RALYL: variants seen among roughly 807,000 people sequenced by gnomAD.
RALYL encodes the protein RALY RNA binding protein like, also known as RNA-binding Raly-like protein.
Under a neutral mutation model 35.1 loss-of-function variants are expected in RALYL, and 29 were observed. The ratio of observed to expected loss-of-function variants is 0.83; its 90% confidence interval spans 0.61 to 1.13. The LOEUF is 1.13. Among genes scored for constraint, RALYL ranks in the 50% most tolerant of loss-of-function variants. The pLI is 0.00. For missense variants in RALYL, 359 were observed against 360.4 expected (o/e 1.00, Z 0.03); for synonymous variants, 120 against 127.6 (o/e 0.94, Z 0.40).
intron 2 of RALYL, among the ~76,000 whole-genome samples, chr8:84,619,594 T>C (rs1174638089): frequency 6.7e-6 from 1 of 148,392 alleles, no homozygotes; most frequent in African/African-American, 2.5e-5. Flanking sequence ...TCCATTTACA[T>C]TTAAAGTTAA....
At chr8:84,704,172 C>G (rs1365123524) in intron 2 of RALYL, among the ~76,000 whole-genome samples, 1 of 152,100 alleles carries the variant, frequency 6.6e-6, no homozygotes, top group Non-Finnish European at 1.5e-5. Context: ...CACCTGTAAT[C>G]CCAGCACTTT....
chr8:84,192,908 G>A (rs199522273), intron 1 of RALYL, among the ~76,000 whole-genome samples: 13 of 136,326 alleles, frequency 9.5e-5, no homozygotes, highest in Non-Finnish European at 1.7e-4. Context: ...TGTGTGTGTG[G>A]GGGGGGGGGT....
chr8:84,847,408 C>A (rs1354780229), intron 4 of RALYL, among the ~76,000 whole-genome samples: 1 of 152,180 alleles, frequency 6.6e-6, no homozygotes, highest in Non-Finnish European at 1.5e-5. Flanking sequence ...GTTACTGTGT[C>A]ACCTCTCTGT....
chr8:84,216,679 G>T (rs1485738934), intron 1 of RALYL, among the ~76,000 whole-genome samples: 1 of 152,142 alleles, frequency 6.6e-6, no homozygotes, highest in Non-Finnish European at 1.5e-5. Context: ...TTCACTGAGG[G>T]AAATGTTCTG....
intron 2 of RALYL, among the ~76,000 whole-genome samples, chr8:84,536,770 T>G (rs148989721): frequency 5.1e-4 from 77 of 152,304 alleles, no homozygotes; most frequent in African/African-American, 1.8e-3. Context: ...AAGAAGATAT[T>G]GTTATCATAA....
intron 2 of RALYL, among the ~76,000 whole-genome samples, chr8:84,617,253 C>A (rs1819976539): frequency 6.6e-6 from 1 of 151,648 alleles, no homozygotes; most frequent in South Asian, 2.1e-4. Flanking sequence ...TTGTTTGTAT[C>A]CTCTTTTATT....
chr8:84,648,125 C>A lies in RALYL; in HGVS notation c.256+118548C>A, dbSNP rs1231613150. On this transcript the variant is annotated intron_variant, in intron 2 of 8. Coordinates refer to ENST00000521268, the MANE Select transcript of RALYL (RefSeq NM_173848.7). ...GCATGTGCGCACATGCGTGCACACA[C>A]ACACACACACGACATTGCCGCTTCA... Among the ~76,000 whole-genome samples the A allele has an allele frequency of 2.0e-5, 3 of 152,082 alleles. No homozygotes were observed. In the South Asian group the frequency reaches 6.2e-4, roughly 31 times the overall value.
At chr8:84,484,113 A>G (rs764465710) in intron 1 of RALYL, among the ~76,000 whole-genome samples, 17 of 152,196 alleles carry the variant, frequency 1.1e-4, no homozygotes, top group Non-Finnish European at 8.8e-5. Context: ...AAAGGGTTCA[A>G]TAAACTAACA....
At chr8:84,624,020 C>G (rs1291493098) in intron 2 of RALYL, among the ~76,000 whole-genome samples, 1 of 152,150 alleles carries the variant, frequency 6.6e-6, no homozygotes, top group African/African-American at 2.4e-5. Flanking sequence ...CAAGTCTTGA[C>G]AGAAAAGAGT....
At chr8:84,501,977 C>G (rs2056715743) in intron 1 of RALYL, among the ~76,000 whole-genome samples, 4 of 151,446 alleles carry the variant, frequency 2.6e-5, no homozygotes. Flanking sequence ...GCCACTTTTC[C>G]AGAAGACAAA....
chr8:84,705,934 A>G, intron 2 of RALYL: 1 of 1,512,786 alleles, frequency 6.6e-7, no homozygotes. Flanking sequence ...GTCAGTGAGC[A>G]ACAGTCTTAC....
At chr8:84,197,191 A>G (rs1376151195) in intron 1 of RALYL, among the ~76,000 whole-genome samples, 1 of 152,200 alleles carries the variant, frequency 6.6e-6, no homozygotes, top group African/African-American at 2.4e-5. Flanking sequence ...TGAAAACATA[A>G]TAGAAAATCC....
At chr8:84,836,353 G>T (rs1832020602) in intron 4 of RALYL, among the ~76,000 whole-genome samples, 1 of 152,074 alleles carries the variant, frequency 6.6e-6, no homozygotes, top group Non-Finnish European at 1.5e-5. Context: ...GAACTTCTTA[G>T]CCATTTTCTC....
intron 2 of RALYL, among the ~76,000 whole-genome samples, chr8:84,670,585 T>C (rs1227795855): frequency 2.6e-5 from 4 of 152,184 alleles, no homozygotes; most frequent in African/African-American, 9.7e-5. Flanking sequence ...CTCACAATCA[T>C]GGTGGAAGGT....
chr8:84,280,323 G>A (rs553497693), intron 1 of RALYL, among the ~76,000 whole-genome samples: 1 of 152,146 alleles, frequency 6.6e-6, no homozygotes, highest in African/African-American at 2.4e-5. Flanking sequence ...TTTCTCATAG[G>A]TTAGAAAACA....
chr8:84,233,326 A>G (rs544574465), intron 1 of RALYL, among the ~76,000 whole-genome samples: 1 of 152,268 alleles, frequency 6.6e-6, no homozygotes. Flanking sequence ...AGAATACAAA[A>G]ACTTCCATTT....
intron 1 of RALYL, among the ~76,000 whole-genome samples, chr8:84,507,201 A>G (rs1463070439): frequency 1.3e-5 from 2 of 152,116 alleles, no homozygotes; most frequent in South Asian, 4.1e-4. Context: ...CTATTTGTCC[A>G]TCAGATATAA....
At chr8:84,602,661 C>A (rs146934064) in intron 2 of RALYL, among the ~76,000 whole-genome samples, 15 of 152,226 alleles carry the variant, frequency 9.9e-5, no homozygotes, top group African/African-American at 3.1e-4. Flanking sequence ...TCTTCTGTAT[C>A]TATCCTATCA....
intron 2 of RALYL, among the ~76,000 whole-genome samples, chr8:84,542,351 C>T (rs886843314): frequency 1.3e-5 from 2 of 152,016 alleles, no homozygotes; most frequent in Non-Finnish European, 2.9e-5. Flanking sequence ...TATGTTTCAG[C>T]ATATATGTAT....
Sources: gnomAD v4.1 joint callset for allele counts (sites outside exome capture counted in the v4.1 genomes callset) on GRCh38, gnomAD v4.1.1 for gene constraint, MANE v1.5 for transcripts, NCBI Gene and HGNC (gene_info 2026-07-23, HGNC 2026-07-21) for gene names.